The following PHACTR3 variants were observed in gnomAD, a reference collection of about 807,000 sequenced individuals.
PHACTR3 encodes protein phosphatase 1, regulatory subunit 123.
PHACTR3 carries 16 observed loss-of-function variants against 66.8 expected under a neutral mutation model. That is an observed-to-expected ratio of 0.24 (90% CI 0.16 to 0.36). PHACTR3 has a LOEUF of 0.36. Ranked by LOEUF, PHACTR3 falls within the 10% of genes least tolerant of loss-of-function variation. The pLI, the probability that PHACTR3 is intolerant of heterozygous loss-of-function variation, is 1.00. For synonymous variants in PHACTR3, 323 were observed against 292.1 expected (o/e 1.11, Z -1.08); for missense variants, 647 against 719.9 (o/e 0.90, Z 1.16).
In PHACTR3 at chr20:59,847,278, A is replaced by C. The variant is rs2059167763; in HGVS notation, c.*148A>C. The C allele has an allele frequency of 5.8e-6, 3 of 517,422 alleles. No individual in the cohort carries two copies. Among genetic ancestry groups the C allele is most frequent in the Non-Finnish European group, 1.1e-5 (3 of 283,056 alleles). The allele number at this position is 517,422 out of a possible 1,614,324, so 32.1% of individuals were successfully genotyped here. A position where few individuals can be genotyped will look rare whatever the true frequency, so the allele number is the denominator to read the frequency against. On this transcript the variant is annotated 3_prime_UTR_variant, in exon 13 of 13. Transcript: ENST00000371015. ...GATCACACACACAGGTGCAATCTTG[A>C]CCACACTTACCTGCAAGAGGAGTAA... is the stretch of plus-strand genomic sequence containing the variant.
chr20:59,829,994 C>T lies in PHACTR3; in HGVS notation c.1329-6511C>T, dbSNP rs2042304679. Among the ~76,000 whole-genome samples the T allele has an allele frequency of 6.6e-6, 1 of 151,688 alleles. No individual in the cohort carries two copies. The highest frequency in any genetic ancestry group is 2.1e-4 in the South Asian group (1 of 4,834). On this transcript the variant is annotated intron_variant, in intron 8 of 12. Transcript: ENST00000371015. The surrounding 1 kb of genome is among the most constrained non-coding windows in gnomAD (Gnocchi z 4.2). ...CGTGTCCTTCCACTTCCTGAAATTA[C>T]CTGCAGCCCCTGCTGCTGTGCTCAT... is the stretch of plus-strand genomic sequence containing the variant.
At chr20:59,726,425 C>T (rs1197421678) in intron 1 of PHACTR3, among the ~76,000 whole-genome samples, 1 of 152,148 alleles carries the variant, frequency 6.6e-6, no homozygotes, top group African/African-American at 2.4e-5. Flanking sequence ...ACTTATTCCC[C>T]ATGACACTGG....
rs573838705 is a variant in PHACTR3, at chr20:59,811,297, G to T, written c.1328+5103G>T. ...TTATATTGGTTTGGCTTTGATCAGG[G>T]TATCAGCTGGCAACTGGGCAATGCA... On this transcript the variant is annotated intron_variant, in intron 8 of 12. Transcript: ENST00000371015. Among the ~76,000 whole-genome samples, 4 of 152,308 alleles carry T rather than the reference G, an allele frequency of 2.6e-5. No homozygotes were observed. In the East Asian group the frequency reaches 5.8e-4, roughly 22 times the overall value.
At chr20:59,656,074 T>C (rs2035611375) in intron 1 of PHACTR3, among the ~76,000 whole-genome samples, 1 of 151,932 alleles carries the variant, frequency 6.6e-6, no homozygotes, top group South Asian at 2.1e-4. Flanking sequence ...CTATGATCTG[T>C]CCTGGAGAAT....
intron 1 of PHACTR3, among the ~76,000 whole-genome samples, chr20:59,707,432 C>CTTCT: frequency 6.9e-6 from 1 of 145,628 alleles, no homozygotes; most frequent in East Asian, 2.0e-4. Context: ...GGCCTCCCTT[C>CTTCT]TTCTTTCTCT....
intron 1 of PHACTR3, among the ~76,000 whole-genome samples, chr20:59,729,383 AC>A (rs1037398678): frequency 6.6e-6 from 1 of 151,932 alleles, no homozygotes; most frequent in African/African-American, 2.4e-5. Flanking sequence ...GGAAAAGGAG[AC>A]CGGGGCACGA....
intron 8 of PHACTR3, chr20:59,835,917 G>T (rs1029762328): frequency 2.0e-5 from 3 of 152,286 alleles, no homozygotes; most frequent in Non-Finnish European, 2.9e-5. Context: ...GACAAGAGGC[G>T]GGAGGCCCCT....
upstream of PHACTR3, among the ~76,000 whole-genome samples, chr20:59,599,947 C>G (rs1183554259): frequency 6.6e-6 from 1 of 152,198 alleles, no homozygotes; most frequent in Non-Finnish European, 1.5e-5. Flanking sequence ...GAAGGATGCT[C>G]TGGAGACCCA....
At chr20:59,674,393 T>TCCCCCC (rs1568696562) in intron 1 of PHACTR3, among the ~76,000 whole-genome samples, 1 of 136,446 alleles carries the variant, frequency 7.3e-6, no homozygotes, top group Admixed American at 7.6e-5. Context: ...CCTTCTCCTG[T>TCCCCCC]TCCTCCTTCT....
At chr20:59,778,378 C>T (rs1380945386) in intron 7 of PHACTR3, among the ~76,000 whole-genome samples, 1 of 152,178 alleles carries the variant, frequency 6.6e-6, no homozygotes. Flanking sequence ...TTGGACCCAG[C>T]CCATGGGCCT....
intron 1 of PHACTR3, among the ~76,000 whole-genome samples, chr20:59,695,261 G>A (rs1427602516): frequency 6.6e-6 from 1 of 152,176 alleles, no homozygotes; most frequent in Non-Finnish European, 1.5e-5. Context: ...TGTTGGAAGA[G>A]GGGCCTGGTG....
At chr20:59,814,036 T>TC (rs1490093250) in intron 8 of PHACTR3, among the ~76,000 whole-genome samples, 5 of 152,324 alleles carry the variant, frequency 3.3e-5, no homozygotes, top group African/African-American at 1.2e-4. Flanking sequence ...GCTCTGCTCT[T>TC]CTGTGAGGGC....
At chr20:59,661,179 G>T (rs959405679) in intron 1 of PHACTR3, among the ~76,000 whole-genome samples, 38 of 152,326 alleles carry the variant, frequency 2.5e-4, no homozygotes, top group African/African-American at 8.4e-4. Context: ...CGGGTACCGT[G>T]ACTTTGTTCT....
At chr20:59,605,852 G>GGGAGGT (rs2033646850) in intron 1 of PHACTR3, among the ~76,000 whole-genome samples, 1 of 127,732 alleles carries the variant, frequency 7.8e-6, no homozygotes, top group Non-Finnish European at 1.7e-5. Flanking sequence ...AAAGCGGGGG[G>GGGAGGT]GGAGGTGGGG....
intron 1 of PHACTR3, among the ~76,000 whole-genome samples, chr20:59,650,881 G>A (rs118071611): frequency 0.013 from 1,982 of 152,228 alleles, 17 homozygotes; most frequent in Middle Eastern, 0.031. Context: ...AGGGTTGGGG[G>A]CTATGATAGG....
At chr20:59,808,425 A>C (rs1235597401) in intron 8 of PHACTR3, among the ~76,000 whole-genome samples, 4 of 152,200 alleles carry the variant, frequency 2.6e-5, no homozygotes, top group African/African-American at 9.6e-5. Context: ...GCTCAGGTGC[A>C]CCGTCCCAGG....
intron 1 of PHACTR3, among the ~76,000 whole-genome samples, chr20:59,647,633 T>C (rs187059138): frequency 5.2e-4 from 79 of 152,304 alleles, no homozygotes; most frequent in East Asian, 1.9e-4. Flanking sequence ...TAGTTTCCTG[T>C]GTTCTTTTGA....
chr20:59,844,985 C>A, intron 11 of PHACTR3: 1 of 417,238 alleles, frequency 2.4e-6, no homozygotes, highest in East Asian at 4.3e-5. Flanking sequence ...CAAAGACTTC[C>A]AGAATATTAG....
intron 1 of PHACTR3, among the ~76,000 whole-genome samples, chr20:59,708,296 G>A (rs955029383): frequency 5.3e-5 from 8 of 152,244 alleles, no homozygotes; most frequent in Admixed American, 2.0e-4. Context: ...TCTCTAATTC[G>A]GCATGTTGAT....
Sources: gnomAD v4.1 joint callset for allele counts (sites outside exome capture counted in the v4.1 genomes callset) on GRCh38, gnomAD v4.1.1 for gene constraint, Gnocchi (gnomAD v3.1) non-coding constraint, MANE v1.5 for transcripts, NCBI Gene and HGNC (gene_info 2026-07-23, HGNC 2026-07-21) for gene names.